The following ARHGEF4 variants were observed in gnomAD, a reference collection of about 807,000 sequenced individuals.
ARHGEF4 encodes Rho guanine nucleotide exchange factor 4, also known as APC-stimulated guanine nucleotide exchange factor 1.
In ARHGEF4, 119 loss-of-function variants were observed where a neutral mutation model predicts 162.0. The observed-to-expected ratio is 0.73, with a 90% CI of 0.63 to 0.86. The LOEUF (loss-of-function observed/expected upper bound fraction) is 0.86, where lower values mean the gene tolerates loss of function less well. Among genes scored for constraint, ARHGEF4 ranks in the 40% least tolerant of loss-of-function variants. The pLI is 0.00. For missense variants in ARHGEF4, 2,488 were observed against 2,456.0 expected (o/e 1.01, Z -0.28); for synonymous variants, 1,014 against 979.9 (o/e 1.03, Z -0.65).
At chr2:130,963,687 C>T (rs1320649240) in intron 4 of ARHGEF4, 2 of 146,418 alleles carry the variant, frequency 1.4e-5, no homozygotes, top group East Asian at 4.1e-4. Flanking sequence ...GCCGACCGGG[C>T]CCGCGACCCG....
chr2:131,003,428 T>C (rs1487196133), intron 4 of ARHGEF4, among the ~76,000 whole-genome samples: 1 of 152,224 alleles, frequency 6.6e-6, no homozygotes, highest in African/African-American at 2.4e-5. Context: ...ATTTCTGCAG[T>C]ATTCCCTGAA....
chr2:131,035,947 G>A (rs1314245271), intron 5 of ARHGEF4: 3 of 808,556 alleles, frequency 3.7e-6, no homozygotes, highest in Non-Finnish European at 4.5e-6. Flanking sequence ...CACAGGAGGG[G>A]ATCCCGCTCC....
At chr2:130,910,636 G>C (rs1217303057) in intron 1 of ARHGEF4, among the ~76,000 whole-genome samples, 1 of 152,204 alleles carries the variant, frequency 6.6e-6, no homozygotes, top group Non-Finnish European at 1.5e-5. Flanking sequence ...CAACAAGGCT[G>C]ATCTAATGAG....
chr2:130,892,624 A>G (rs1047184642), intron 1 of ARHGEF4, among the ~76,000 whole-genome samples: 1 of 152,202 alleles, frequency 6.6e-6, no homozygotes, highest in South Asian at 2.1e-4. Context: ...CCCTTGCCCA[A>G]GGGCACAGAG....
At chr2:130,992,788 A>G (rs924729200) in intron 4 of ARHGEF4, among the ~76,000 whole-genome samples, 2 of 152,194 alleles carry the variant, frequency 1.3e-5, no homozygotes, top group Admixed American at 6.5e-5. Context: ...GAGTGAGGTT[A>G]AAGTACAGAC....
At chr2:130,981,771 C>T (rs1271227712) in intron 4 of ARHGEF4, among the ~76,000 whole-genome samples, 3 of 152,076 alleles carry the variant, frequency 2.0e-5, no homozygotes, top group East Asian at 3.8e-4. Context: ...TCAAGAAAAC[C>T]CCACATAATG....
intron 1 of ARHGEF4, among the ~76,000 whole-genome samples, chr2:130,910,919 C>T (rs1681142055): frequency 6.6e-6 from 1 of 152,172 alleles, no homozygotes; most frequent in Admixed American, 6.5e-5. Flanking sequence ...AATGGACATA[C>T]CACAGATTAA....
At chr2:131,045,649 C>G (rs1170585744) in intron 13 of ARHGEF4, 6 of 1,513,906 alleles carry the variant, frequency 4.0e-6, no homozygotes, top group African/African-American at 1.4e-5. Flanking sequence ...CATTCTTACT[C>G]TCAACACCTT....
intron 1 of ARHGEF4, among the ~76,000 whole-genome samples, chr2:130,909,634 C>A (rs573862451): frequency 6.7e-6 from 1 of 150,370 alleles, no homozygotes; most frequent in African/African-American, 2.5e-5. Flanking sequence ...TTTTTTATGA[C>A]AATTATACAT....
In ARHGEF4 at chr2:130,945,503, T is replaced by A. The variant is rs188114749; in HGVS notation, c.3859-1006T>A. On this transcript the variant is annotated intron_variant, in intron 3 of 13. Transcript: ENST00000409359. ...AGGGTGGGAGAAATCATCACTCAAA[T>A]ACACATCCCTCATTCCCTCATACCC... 1.2e-4 allele frequency among the ~76,000 whole-genome samples: 18 copies of A among 152,182 alleles called. No individual in the cohort carries two copies. The East Asian group carries it at 3.5e-3, about 29-fold the overall frequency.
At chr2:130,846,659 CG>C (rs1262036713) in intron 1 of ARHGEF4, among the ~76,000 whole-genome samples, 7 of 152,068 alleles carry the variant, frequency 4.6e-5, no homozygotes, top group Admixed American at 2.6e-4. Flanking sequence ...TCAGGAGGTG[CG>C]GGGGCAGCTC....
intron 4 of ARHGEF4, among the ~76,000 whole-genome samples, chr2:130,987,511 A>G (rs1246524599): frequency 6.6e-6 from 1 of 151,854 alleles, no homozygotes; most frequent in Non-Finnish European, 1.5e-5. Flanking sequence ...TTATTCCCTT[A>G]TTGTCCCCGC....
intron 3 of ARHGEF4, among the ~76,000 whole-genome samples, chr2:130,944,102 A>G (rs1383262341): frequency 6.6e-6 from 1 of 152,216 alleles, no homozygotes; most frequent in African/African-American, 2.4e-5. Flanking sequence ...CTTTACAAAT[A>G]TTATTCCACT....
intron 4 of ARHGEF4, among the ~76,000 whole-genome samples, chr2:130,999,321 A>AT (rs557596497): frequency 1.3e-4 from 19 of 151,226 alleles, no homozygotes; most frequent in East Asian, 1.2e-3. Flanking sequence ...CGCCTGGCTA[A>AT]TTTTTTTTGT....
chr2:130,925,408 T>C (rs1359045213), intron 2 of ARHGEF4, among the ~76,000 whole-genome samples: 1 of 152,186 alleles, frequency 6.6e-6, no homozygotes, highest in Non-Finnish European at 1.5e-5. Context: ...TGCTGGAGCA[T>C]TTGGACATCC....
At chr2:130,909,667 AG>A (rs1401620819) in intron 1 of ARHGEF4, among the ~76,000 whole-genome samples, 1 of 151,540 alleles carries the variant, frequency 6.6e-6, no homozygotes, top group African/African-American at 2.4e-5. Flanking sequence ...AAAAAAAAAA[AG>A]TAAATAGCAG....
At chr2:130,936,869 C>A (rs141657246) in intron 3 of ARHGEF4, among the ~76,000 whole-genome samples, 1 of 147,838 alleles carries the variant, frequency 6.8e-6, no homozygotes, top group African/African-American at 2.5e-5. Flanking sequence ...TCTTTCTGAT[C>A]ATTTTCTCTC....
intron 4 of ARHGEF4, among the ~76,000 whole-genome samples, chr2:131,002,709 CAAAAAAAAAAAAAAAAA>C (rs66979991): frequency 7.5e-5 from 4 of 53,218 alleles, no homozygotes; most frequent in Non-Finnish European, 9.4e-5. Context: ...GACTCCGTCT[CAAAAAAAAAAAAAAAAA>C]AAAAAAAAAA....
chr2:130,982,609 CCTCCTTTCTTCTTTT>C (rs1236934133), intron 4 of ARHGEF4, among the ~76,000 whole-genome samples: 2 of 79,730 alleles, frequency 2.5e-5, no homozygotes, highest in East Asian at 3.8e-4. Context: ...CCCTCCTCCT[CCTCCTTTCTTCTTTT>C]CTTTCTTACC....
Sources: gnomAD v4.1 joint callset for allele counts (sites outside exome capture counted in the v4.1 genomes callset) on GRCh38, gnomAD v4.1.1 for gene constraint, MANE v1.5 for transcripts, NCBI Gene and HGNC (gene_info 2026-07-23, HGNC 2026-07-21) for gene names.